MYOM1: variants seen among roughly 807,000 people sequenced by gnomAD.
MYOM1 encodes the protein myomesin-1.
Under a neutral mutation model 205.3 loss-of-function variants are expected in MYOM1, and 164 were observed. The observed-to-expected ratio is 0.80, with a 90% CI of 0.70 to 0.91. The LOEUF (loss-of-function observed/expected upper bound fraction) is 0.91. MYOM1 is among the 40% of genes least tolerant of loss of function. The pLI, the probability that MYOM1 is intolerant of heterozygous loss-of-function variation, is 0.00. For missense variants in MYOM1, 2,011 were observed against 2,127.3 expected, an observed-to-expected ratio of 0.95 and a Z score of 1.08; for synonymous variants, 772 against 789.4, an observed-to-expected ratio of 0.98 and a Z score of 0.37.
At chr18:3,237,548 G>A in the MYOM1 span, among the ~76,000 whole-genome samples, 57 of 133,606 alleles carry the variant, frequency 4.3e-4, no homozygotes, top group East Asian at 0.01. Flanking sequence ...GCAGTGAGCC[G>A]AGATCACACC....
At chr18:3,237,979 C>A in the MYOM1 span, among the ~76,000 whole-genome samples, 33 of 152,218 alleles carry the variant, frequency 2.2e-4, 1 homozygote, top group East Asian at 6.0e-3. Context: ...GGGACTGGGG[C>A]AGGGGTGGCG....
At chr18:3,224,323 A>G (rs2081343587), upstream of MYOM1, among the ~76,000 whole-genome samples, 1 of 152,206 alleles carries the variant, frequency 6.6e-6, no homozygotes, top group Non-Finnish European at 1.5e-5. Context: ...CACCCGACAT[A>G]AAATTAGATC....
chr18:3,089,665 A>G, intron 27 of MYOM1, 69 bp from the exon 28 acceptor site: 2 of 1,218,506 alleles, frequency 1.6e-6, no homozygotes, highest in Non-Finnish European at 1.2e-6. Context: ...CAGCCACTGC[A>G]CTAAGTGATT....
At chr18:3,120,032 C>A in intron 19 of MYOM1, 37 bp from the exon 20 acceptor site, 1 of 1,530,840 alleles carries the variant, frequency 6.5e-7, no homozygotes, top group East Asian at 2.4e-5. Flanking sequence ...CTGAATGTTC[C>A]AGGTTTGTTT....
At chr18:3,186,678 C>A in intron 5 of MYOM1, among the ~76,000 whole-genome samples, 1 of 149,448 alleles carries the variant, frequency 6.7e-6, no homozygotes, top group African/African-American at 2.5e-5. Context: ...TGTCAGAAAA[C>A]AAATTGATGC....
At chr18:3,123,534 T>C (rs2079729596) in intron 19 of MYOM1, among the ~76,000 whole-genome samples, 1 of 152,058 alleles carries the variant, frequency 6.6e-6, no homozygotes, top group Non-Finnish European at 1.5e-5. Context: ...GAAGGTTCAA[T>C]ATTTTTTAAA....
chr18:3,168,960 T>A lies in MYOM1; in HGVS notation c.1196A>T (p.Tyr399Phe), dbSNP rs1302257722. Reference protein sequence around the residue: ...PLSFGVTPYGYASRFEIHFDD... With the variant: ...PLSFGVTPYGFASRFEIHFDD... ...AAAGTGGATCTCAAACCGGGATGCA[T>A]AACCATATGGGGTCACACCAACTGG... The change falls in exon 9 of 38, where the codon TAT becomes TTT. Residue 399 changes from tyrosine (Y) to phenylalanine (F), a missense_variant. Physicochemically the swap from Tyr to Phe is conservative, Grantham distance 22 (BLOSUM62 3). Coordinates refer to ENST00000356443, the MANE Select transcript of MYOM1 (RefSeq NM_003803.4). 1 of 1,612,976 alleles carries A rather than the reference T, an allele frequency of 6.2e-7. No individual in the cohort carries two copies. The highest frequency in any genetic ancestry group is 8.5e-7 in the Non-Finnish European group (1 of 1,179,496).
intron 5 of MYOM1, among the ~76,000 whole-genome samples, chr18:3,178,388 C>T (rs540337169): frequency 3.9e-5 from 6 of 152,188 alleles, no homozygotes; most frequent in African/African-American, 9.6e-5. Flanking sequence ...GGATTTGAAC[C>T]GGCAGCCTGG....
chr18:3,193,251 G>A (rs1357845671), intron 3 of MYOM1, among the ~76,000 whole-genome samples: 4 of 151,158 alleles, frequency 2.6e-5, no homozygotes, highest in East Asian at 1.9e-4. Flanking sequence ...TCCAGCCTGG[G>A]TAACAGAGTG....
chr18:3,122,050 C>T (rs546166629), intron 19 of MYOM1, among the ~76,000 whole-genome samples: 6 of 152,106 alleles, frequency 3.9e-5, no homozygotes, highest in South Asian at 2.1e-4. Flanking sequence ...ACCCAGGAGG[C>T]GGAGGTTGCA....
chr18:3,090,487 T>C (rs1425867254), intron 27 of MYOM1, among the ~76,000 whole-genome samples, 171 bp downstream of exon 27: 1 of 152,178 alleles, frequency 6.6e-6, no homozygotes, highest in Admixed American at 6.5e-5. Flanking sequence ...CTCAAAGTGC[T>C]GGGATTATAG....
At chr18:3,207,542 A>G (rs1386857738) in intron 2 of MYOM1, among the ~76,000 whole-genome samples, 1 of 152,196 alleles carries the variant, frequency 6.6e-6, no homozygotes, top group Non-Finnish European at 1.5e-5. Flanking sequence ...TTGACTAGAC[A>G]TTGCACGAAA....
intron 23 of MYOM1, among the ~76,000 whole-genome samples, chr18:3,101,701 G>A (rs1325351188): frequency 6.6e-6 from 1 of 152,032 alleles, no homozygotes; most frequent in African/African-American, 2.4e-5. Flanking sequence ...TATCCTTATT[G>A]TTACTTTAAG....
At chr18:3,109,694 T>G (rs1428760821) in intron 22 of MYOM1, among the ~76,000 whole-genome samples, 1 of 152,252 alleles carries the variant, frequency 6.6e-6, no homozygotes, top group African/African-American at 2.4e-5. Flanking sequence ...GAGTTGTCAC[T>G]AGTCAACTCC....
At chr18:3,142,347 G>C (rs2080062588) in intron 13 of MYOM1, among the ~76,000 whole-genome samples, 1 of 152,086 alleles carries the variant, frequency 6.6e-6, no homozygotes, top group African/African-American at 2.4e-5. Flanking sequence ...CTGCAGCCCT[G>C]ACCTTCTGGG....
intron 12 of MYOM1, among the ~76,000 whole-genome samples, chr18:3,150,218 C>T (rs2080197938): frequency 6.6e-6 from 1 of 152,126 alleles, no homozygotes. Flanking sequence ...CGCCACCACG[C>T]CTGGCTAATT....
intron 5 of MYOM1, 111 bp from the exon 6 acceptor site, chr18:3,176,245 G>A: frequency 1.6e-6 from 1 of 642,300 alleles, no homozygotes; most frequent in East Asian, 2.7e-5. Flanking sequence ...GGGCACTGAG[G>A]GTAGCAGCAG....
intron 19 of MYOM1, among the ~76,000 whole-genome samples, chr18:3,124,581 G>A (rs1270843039): frequency 2.6e-5 from 4 of 151,592 alleles, no homozygotes; most frequent in Non-Finnish European, 4.4e-5. Flanking sequence ...CACCTGCCTC[G>A]GCCTCCCAAA....
rs755587149 is a variant in MYOM1, at chr18:3,083,883, T to G, written c.4390A>C (p.Thr1464Pro). 3.2e-5 allele frequency: 50 copies of G among 1,580,954 alleles called. No individual in the cohort carries two copies. Among genetic ancestry groups the G allele is most frequent in the Non-Finnish European group, 4.0e-5 (47 of 1,161,954 alleles). The change falls in exon 33 of 38, where the codon ACA (threonine) becomes CCA (proline). Residue 1464 changes from threonine (T) to proline (P), a missense_variant. Transcript: ENST00000356443. ...EVCKKIALSA[T>P]DLKIQSTAEG... The stretch of plus-strand genomic sequence containing the variant: ...GCTGTGCTCTGGATTTTCAGGTCTG[T>G]AGCAGACAAAGCTGAAAGAAGAAAA...
Sources: gnomAD v4.1 joint callset for allele counts (sites outside exome capture counted in the v4.1 genomes callset) on GRCh38, gnomAD v4.1.1 for gene constraint, MANE v1.5 for transcripts, NCBI Gene and HGNC (gene_info 2026-07-23, HGNC 2026-07-21) for gene names.